The following SHROOM3 variants were observed in gnomAD, a reference collection of about 807,000 sequenced individuals.
SHROOM3 encodes protein Shroom3.
SHROOM3 carries 47 observed loss-of-function variants against 138.6 expected under a neutral mutation model. The ratio of observed to expected loss-of-function variants is 0.34; its 90% CI spans 0.27 to 0.43. The LOEUF (loss-of-function observed/expected upper bound fraction) is 0.43. Among genes scored for constraint, SHROOM3 ranks in the 20% least tolerant of loss-of-function variants. SHROOM3 has a pLI of 1.00. For missense variants in SHROOM3, 2,491 were observed against 2,596.5 expected (o/e 0.96, Z 0.88); for synonymous variants, 1,062 against 1,063.3 (o/e 1.00, Z 0.02).
At position 76,609,562 on chromosome 4, in the gene SHROOM3, C is replaced by A. The variant is rs559268606; in HGVS notation, c.323+53799C>A. Among the ~76,000 whole-genome samples, 19 of 152,302 alleles carry A rather than the reference C, an allele frequency of 1.2e-4. No homozygotes were observed. The South Asian group carries it at 3.7e-3, about 30-fold the overall frequency. On this transcript the variant is annotated intron_variant, in intron 2 of 10. Transcript: ENST00000296043. Reference sequence around the variant, plus strand: ...TTGGGATTACAGGCGTGAGCCATTGCAACTGGCCCTCAGAATCTGTATCTG... The same window carrying A: ...TTGGGATTACAGGCGTGAGCCATTGAAACTGGCCCTCAGAATCTGTATCTG...
intron 1 of SHROOM3, among the ~76,000 whole-genome samples, chr4:76,460,862 T>G: frequency 8.0e-6 from 1 of 124,506 alleles, no homozygotes; most frequent in Non-Finnish European, 1.7e-5. Context: ...GGCATGGTAG[T>G]ATGCCCCTGT....
intron 2 of SHROOM3, chr4:76,689,444 G>A (rs1719442804): frequency 2.4e-6 from 2 of 850,202 alleles, no homozygotes; most frequent in Admixed American, 7.7e-5. Flanking sequence ...ACGAGAGGTG[G>A]GCGAGCGCCC....
intron 3 of SHROOM3, among the ~76,000 whole-genome samples, chr4:76,721,087 G>A (rs918409830): frequency 6.6e-6 from 1 of 151,714 alleles, no homozygotes; most frequent in Admixed American, 6.6e-5. Context: ...CGAGGCGGGC[G>A]GATCAAGAGG....
intron 2 of SHROOM3, among the ~76,000 whole-genome samples, chr4:76,666,461 A>G (rs1457824218): frequency 6.6e-6 from 1 of 152,136 alleles, no homozygotes; most frequent in Non-Finnish European, 1.5e-5. Flanking sequence ...TTGTAGAAAC[A>G]AAGTCTCACT....
At chr4:76,442,689 G>A (rs915990119) in intron 1 of SHROOM3, among the ~76,000 whole-genome samples, 10 of 151,990 alleles carry the variant, frequency 6.6e-5, no homozygotes, top group African/African-American at 1.5e-4. Context: ...GATTACAGGC[G>A]TGAGTCACCG....
At chr4:76,565,239 T>G (rs1296791118) in intron 2 of SHROOM3, among the ~76,000 whole-genome samples, 1 of 151,148 alleles carries the variant, frequency 6.6e-6, no homozygotes, top group East Asian at 1.9e-4. Context: ...AGTTCTGAGA[T>G]CAAATAAAAG....
chr4:76,754,774 G>A lies in SHROOM3; in HGVS notation c.4291G>A (p.Ala1431Thr). 1.2e-6 allele frequency: 2 copies of A among 1,614,182 alleles called. No individual in the cohort carries two copies. The highest frequency in any genetic ancestry group is 1.1e-5 in the South Asian group (1 of 91,088). ...GCCTCAGTGGCCACCTCCTTCTCGA[G>A]CAAAGTGGGCCCACGCAGCCAGAGA... ...SLPQWPPPSR[A>T]KWAHAAREDS... Residue 1431 changes from alanine (A) to threonine (T), a missense_variant, in exon 7 of 11, where the codon GCA becomes ACA. Physicochemically the swap from Ala to Thr is moderately conservative, Grantham distance 58 (BLOSUM62 0). Transcript: ENST00000296043.
intron 2 of SHROOM3, among the ~76,000 whole-genome samples, chr4:76,659,516 G>A (rs983470903): frequency 2.0e-5 from 3 of 152,196 alleles, no homozygotes; most frequent in Admixed American, 1.3e-4. Context: ...CAATTCTTAT[G>A]TATATGTAAC....
At chr4:76,518,459 TC>T (rs1158252785) in intron 1 of SHROOM3, among the ~76,000 whole-genome samples, 2 of 151,842 alleles carry the variant, frequency 1.3e-5, no homozygotes, top group Non-Finnish European at 2.9e-5. Context: ...TTCTTTCCCC[TC>T]CCCCCTCCTT....
intron 2 of SHROOM3, 41 bp from the exon 3 acceptor site, chr4:76,710,115 A>G (rs748489133): frequency 6.2e-7 from 1 of 1,613,116 alleles, no homozygotes; most frequent in African/African-American, 1.3e-5. Flanking sequence ...CTGTCCATGA[A>G]CACCATCATG....
intron 2 of SHROOM3, among the ~76,000 whole-genome samples, chr4:76,632,496 G>C (rs1335175044): frequency 6.6e-6 from 1 of 152,160 alleles, no homozygotes; most frequent in Non-Finnish European, 1.5e-5. Context: ...GCTGCTGAGG[G>C]GTCCATGACA....
chr4:76,570,005 C>G (rs188678714), intron 2 of SHROOM3, among the ~76,000 whole-genome samples: 1 of 152,318 alleles, frequency 6.6e-6, no homozygotes. Context: ...TCTTCAAAGT[C>G]TCTAGCATCG....
intron 2 of SHROOM3, among the ~76,000 whole-genome samples, chr4:76,700,220 C>T (rs1360114301): frequency 6.6e-6 from 1 of 152,186 alleles, no homozygotes; most frequent in African/African-American, 2.4e-5. Context: ...TTTTCACCAG[C>T]ATTTGGACAA....
intron 3 of SHROOM3, among the ~76,000 whole-genome samples, chr4:76,715,652 G>A (rs1447815012): frequency 6.6e-6 from 1 of 152,144 alleles, no homozygotes; most frequent in Non-Finnish European, 1.5e-5. Flanking sequence ...CTTATATGGG[G>A]ATCTCGGATC....
intron 2 of SHROOM3, among the ~76,000 whole-genome samples, chr4:76,683,158 G>C (rs566536403): frequency 6.6e-6 from 1 of 152,238 alleles, no homozygotes; most frequent in African/African-American, 2.4e-5. Flanking sequence ...ACATGCCCAA[G>C]TTACAGTCAA....
Position 76,664,719 on chromosome 4 carries a change from A to G in SHROOM3, c.324-45437A>G, listed in dbSNP as rs983228627. 6.6e-6 allele frequency among the ~76,000 whole-genome samples: 1 copy of G among 152,224 alleles called. No individual in the cohort carries two copies. The highest frequency in any genetic ancestry group is 1.5e-5 in the Non-Finnish European group (1 of 68,038). ...TATAGGTCAATAATGTTAAGTGTAT[A>G]GTTCAATAAGTTTAAGTATATCAAA... is the stretch of plus-strand genomic sequence containing the variant. On this transcript the variant is annotated intron_variant, in intron 2 of 10. Coordinates refer to ENST00000296043, the MANE Select transcript of SHROOM3 (RefSeq NM_020859.4). The surrounding 1 kb of genome is among the most constrained non-coding windows in gnomAD (Gnocchi z 4.2).
At chr4:76,676,689 A>T (rs1719035357) in intron 2 of SHROOM3, among the ~76,000 whole-genome samples, 1 of 152,136 alleles carries the variant, frequency 6.6e-6, no homozygotes, top group Admixed American at 6.5e-5. Flanking sequence ...GTAAAATGGT[A>T]ATTATTCGAC....
intron 2 of SHROOM3, among the ~76,000 whole-genome samples, chr4:76,694,353 G>A (rs1026243080): frequency 3.1e-5 from 3 of 98,020 alleles, no homozygotes; most frequent in African/African-American, 1.6e-4. Context: ...TCTCAGGCTA[G>A]TCTTTTTGTT....
intron 1 of SHROOM3, among the ~76,000 whole-genome samples, chr4:76,500,843 A>G (rs1274281686): frequency 2.0e-5 from 3 of 151,396 alleles, no homozygotes; most frequent in South Asian, 2.1e-4. Flanking sequence ...GTGTCTCTCT[A>G]TTGCCCAGGC....
Sources: allele counts gnomAD v4.1 joint callset (sites outside exome capture counted in the v4.1 genomes callset), GRCh38; gene constraint gnomAD v4.1.1; non-coding constraint Gnocchi (gnomAD v3.1); transcripts MANE v1.5; gene names NCBI Gene and HGNC (gene_info 2026-07-23, HGNC 2026-07-21).